The following TTN variants were observed in gnomAD, a reference collection of about 807,000 sequenced individuals.
TTN encodes titin, also known as connectin.
Under a neutral mutation model 3,223.0 loss-of-function variants are expected in TTN, and 1,525 were observed. That is an observed-to-expected ratio of 0.47 (90% CI 0.45 to 0.49). The LOEUF (loss-of-function observed/expected upper bound fraction) is 0.49, where lower values mean the gene tolerates loss of function less well. Among genes scored for constraint, TTN ranks in the 20% least tolerant of loss-of-function variants. The pLI is 0.00. For missense variants in TTN, 40,786 were observed against 43,424.0 expected (o/e 0.94, Z 5.40); for synonymous variants, 14,094 against 15,161.0 (o/e 0.93, Z 5.17).
chr2:178,750,357 T>C, intron 47 of TTN: 1 of 1,613,252 alleles, frequency 6.2e-7, no homozygotes, highest in Admixed American at 1.7e-5. Context: ...AGCACACAAG[T>C]AATAGAACCT....
rs727503691 is a variant in TTN at position 178,774,420 on chromosome 2, A to G, written c.6844T>C (p.Tyr2282His). The G allele has an allele frequency of 2.5e-6, 4 of 1,613,514 alleles. No homozygotes were observed. In the African/African-American group the frequency reaches 4.0e-5, roughly 16 times the overall value. Residue 2282 changes from tyrosine to histidine, a missense_variant, in exon 30 of 363, where the codon TAT becomes CAT. By Grantham distance (83) the Tyr-to-His change is moderately conservative. Transcript: ENST00000589042. ...ELQDIEVPES[Y>H]SGELECIVSP... is the part of the protein sequence containing the mutation. The stretch of plus-strand genomic sequence containing the variant: ...ACAATGCACTCTAATTCTCCTGAAT[A>G]TGATTCTGGAACTTCTATGTCCTGA...
At chr2:178,586,260 A>C (rs1488591596) in intron 308 of TTN, among the ~76,000 whole-genome samples, 1 of 152,114 alleles carries the variant, frequency 6.6e-6, no homozygotes, top group African/African-American at 2.4e-5. Flanking sequence ...AATAGGGTAG[A>C]AAACATAAGA....
chr2:178,632,722 C>G lies in TTN; in HGVS notation c.43284G>C (p.Glu14428Asp), dbSNP rs1261167534. 23 of 1,613,250 alleles carry G rather than the reference C, an allele frequency of 1.4e-5. No individual in the cohort carries two copies. The highest frequency in any genetic ancestry group is 1.9e-5 in the Non-Finnish European group (22 of 1,179,566). Residue 14428 changes from glutamate to aspartate, a missense_variant, in exon 235 of 363, where the codon GAG becomes GAC. Transcript: ENST00000589042. ...TTTTGGGCTCCCTGGATACTTCACACTCAAACTTAGCCTCATCTTTCTCGA... is the reference window on the plus strand; with the variant it reads ...TTTTGGGCTCCCTGGATACTTCACAGTCAAACTTAGCCTCATCTTTCTCGA... Reference protein sequence around the residue: ...KVFEKDEAKFECEVSREPKTF... With the variant: ...KVFEKDEAKFDCEVSREPKTF...
chr2:178,717,576 G>C lies in TTN; in HGVS notation c.25298C>G (p.Ser8433Cys). Residue 8433 changes from serine (S) to cysteine (C), a missense_variant, in exon 87 of 363, where the codon TCT becomes TGT. Physicochemically the swap from Ser to Cys is moderately radical, Grantham distance 112 (BLOSUM62 -1). Transcript: ENST00000589042. ...AGCAGTCCCAAGAGGATTAGAAGCAGAGCAATTATACTGCCCTATGTGGCT... is the reference window on the plus strand; with the variant it reads ...AGCAGTCCCAAGAGGATTAGAAGCACAGCAATTATACTGCCCTATGTGGCT... ...DQSHIGQYNC[S>C]ASNPLGTASS... The C allele has an allele frequency of 6.2e-7, 1 of 1,613,096 alleles. No individual in the cohort carries two copies. Among genetic ancestry groups the C allele is most frequent in the Non-Finnish European group, 8.5e-7 (1 of 1,179,462 alleles).
rs1291711491 is a variant in TTN, at chr2:178,615,765, T to C, written c.48336A>G (p.Leu16112=). Residue 16112 remains leucine, a synonymous_variant, in exon 258 of 363, where the codon CTA becomes CTG. Transcript: ENST00000589042. ...GAACAAGATCAGGAACTGTGAATTC[T>C]AGATCAGTCACAAAGTCCATAACCT... The part of the protein sequence containing the change: ...WTKVMDFVTD[L]EFTVPDLVQG... 6.2e-7 allele frequency: 1 copy of C among 1,611,872 alleles called. No homozygotes were observed.
rs794729627 is a variant in TTN, at chr2:178,722,685, G to A, written c.22214C>T (p.Ser7405Phe). 3 of 1,612,482 alleles carry A rather than the reference G, an allele frequency of 1.9e-6. No homozygotes were observed. Among genetic ancestry groups the A allele is most frequent in the Middle Eastern group, 1.7e-4 (1 of 6,050 alleles). The change falls in exon 76 of 363, where the codon TCT (serine) becomes TTT (phenylalanine). Residue 7405 changes from serine (S) to phenylalanine (F), a missense_variant. Ser to Phe is a radical substitution (Grantham distance 155). Coordinates refer to ENST00000589042, the MANE Select transcript of TTN (RefSeq NM_001267550.2). ...CKAENSIGTA[S>F]SKTVFRIQER... ...TTGAATTCTGAACACAGTCTTAGAA[G>A]AAGCAGTTCCTATACTATTTTCTGC...
At chr2:178,695,038 T>A (rs987852694) in intron 115 of TTN, 132 bp from the exon 116 acceptor site, 1 of 694,894 alleles carries the variant, frequency 1.4e-6, no homozygotes, top group African/African-American at 1.8e-5. Context: ...ATGTATCATT[T>A]TTTAAAGAGA....
In TTN at chr2:178,590,567, T is replaced by G; in HGVS notation, c.61158A>C (p.Glu20386Asp). The change falls in exon 304 of 363, where the codon GAA becomes GAC. Residue 20386 changes from glutamate to aspartate, a missense_variant. By Grantham distance (45) the Glu-to-Asp change is conservative. Coordinates refer to ENST00000589042, the MANE Select transcript of TTN (RefSeq NM_001267550.2). ...GCTTTGTCCACACCAAATCAGCTGT[T>G]TCTCTGCTCTTGTCTTTCAGTTTAG... Reference protein sequence around the residue: ...INPKLKDKSRETADLVWTKPL... With the variant: ...INPKLKDKSRDTADLVWTKPL... 1 of 1,612,656 alleles carries G rather than the reference T, an allele frequency of 6.2e-7. No individual in the cohort carries two copies. Among genetic ancestry groups the G allele is most frequent in the African/African-American group, 1.3e-5 (1 of 74,980 alleles).
In TTN at chr2:178,564,178, T is replaced by TGA; in HGVS notation, c.81953_81954insTC (p.Glu27318AspfsTer33). 1 of 1,613,728 alleles carries TGA rather than the reference T, an allele frequency of 6.2e-7. No individual in the cohort carries two copies. Among genetic ancestry groups the TGA allele is most frequent in the Non-Finnish European group, 8.5e-7 (1 of 1,179,746 alleles). Reference sequence around the variant, plus strand: ...ATTTAATTTCCATTCTAGCAGCTGTTTCTTCAAGTTCTTTTCCATCTTTTG... The same window carrying TGA: ...ATTTAATTTCCATTCTAGCAGCTGTTGATCTTCAAGTTCTTTTCCATCTTTTG... On this transcript the variant is annotated frameshift_variant, in exon 326 of 363. Transcript: ENST00000589042. LOFTEE classifies it high-confidence loss of function.
chr2:178,593,922 A>G, intron 297 of TTN, 39 bp downstream of exon 297: 1 of 1,607,266 alleles, frequency 6.2e-7, no homozygotes, highest in Non-Finnish European at 8.5e-7. Context: ...TGCTTTTGAA[A>G]GAACAGAAGA....
chr2:178,650,015 A>C (rs2062680939), intron 210 of TTN, 121 bp from the exon 211 acceptor site: 3 of 1,323,126 alleles, frequency 2.3e-6, no homozygotes, highest in Admixed American at 2.4e-5. Context: ...TGTGGGTCCA[A>C]AGTTTTATGT....
rs563866126 is a variant in TTN, at chr2:178,710,865, C to T, written c.28232G>A (p.Gly9411Glu). 1.1e-5 allele frequency: 17 copies of T among 1,613,902 alleles called. No individual in the cohort carries two copies. In the African/African-American group the frequency reaches 1.9e-4, roughly 18 times the overall value. ...GTGGCACTCAAAGTCAGCACTTTCT[C>T]CCACCACAGCATCCACAGGGGCAAG... ...IRLAPVDAVV[G>E]ESADFECHVT... The change falls in exon 98 of 363, where the codon GGA becomes GAA. Residue 9411 changes from glycine (G) to glutamate (E), a missense_variant. Physicochemically the swap from Gly to Glu is moderately conservative, Grantham distance 98. Coordinates refer to ENST00000589042, the MANE Select transcript of TTN (RefSeq NM_001267550.2).
Position 178,534,573 on chromosome 2 carries a change from T to C in TTN, c.102042A>G (p.Pro34014=). The C allele has an allele frequency of 6.2e-7, 1 of 1,613,932 alleles. No homozygotes were observed. Among genetic ancestry groups the C allele is most frequent in the Non-Finnish European group, 8.5e-7 (1 of 1,179,812 alleles). The change falls in exon 358 of 363, where the codon CCA becomes CCG. Residue 34014 remains proline, a synonymous_variant. Transcript: ENST00000589042. ...TCTGTTGGTTAGTTTCAGCCAGGAA[T>C]GGGTTGATACCACTCAATAGCACAT... ...LVYVLLSGIN[P]FLAETNQQII... is the part of the protein sequence containing the mutation.
At position 178,557,688 on chromosome 2, in the gene TTN, A is replaced by G. The variant is rs1559257979; in HGVS notation, c.87666T>C (p.Asp29222=). The G allele has an allele frequency of 1.2e-6, 2 of 1,613,988 alleles. No individual in the cohort carries two copies. The highest frequency in any genetic ancestry group is 4.5e-5 in the East Asian group (2 of 44,880). ...CAGTCACACAAGCTGAATCTATATG[A>G]TCACTGATGCCAAAGCGGTTTTCTG... ...IKAENRFGIS[D]HIDSACVTVK... is the part of the protein sequence containing the mutation. Residue 29222 remains aspartate (D), a synonymous_variant, in exon 328 of 363, where the codon GAT becomes GAC. Coordinates refer to ENST00000589042, the MANE Select transcript of TTN (RefSeq NM_001267550.2).
Position 178,713,257 on chromosome 2 carries a change from C to T in TTN, c.26877G>A (p.Trp8959Ter). ...VYGSPPISVS[W>*]FHEGNEISSG... Reference sequence around the variant, plus strand: ...TACTGATCTCATTTCCTTCATGGAACCAGGAGACAGAGATTGGAGGTGACC... The same window carrying T: ...TACTGATCTCATTTCCTTCATGGAATCAGGAGACAGAGATTGGAGGTGACC... Residue 8959 changes from tryptophan to a stop codon, truncating the protein, a stop_gained, in exon 93 of 363, where the codon TGG becomes TGA. Coordinates refer to ENST00000589042, the MANE Select transcript of TTN (RefSeq NM_001267550.2). LOFTEE classifies it high-confidence loss of function. 6.2e-7 allele frequency: 1 copy of T among 1,612,510 alleles called. No individual in the cohort carries two copies. The highest frequency in any genetic ancestry group is 8.5e-7 in the Non-Finnish European group (1 of 1,179,140).
At position 178,586,729 on chromosome 2, in the gene TTN, A is replaced by C; in HGVS notation, c.64172T>G (p.Leu21391Arg). 6.2e-7 allele frequency: 1 copy of C among 1,613,112 alleles called. No homozygotes were observed. The highest frequency in any genetic ancestry group is 1.1e-5 in the South Asian group (1 of 91,054). The change falls in exon 308 of 363, where the codon CTA becomes CGA. Residue 21391 changes from leucine to arginine, a missense_variant. Transcript: ENST00000589042. ...NSATLAWLPP[L>R]RDGGAKIDGY... ...ATCGATTTTAGCACCTCCATCACGT[A>C]GGGGAGGTAACCAGGCTAAGGTGGC...
At chr2:178,805,387 T>A (rs1247059307) in intron 1 of TTN, among the ~76,000 whole-genome samples, 1 of 150,970 alleles carries the variant, frequency 6.6e-6, no homozygotes, top group Non-Finnish European at 1.5e-5. Context: ...AACCTCTGCA[T>A]CAGCTTAGTA....
Position 178,582,519 on chromosome 2 carries a change from C to G in TTN, c.65937G>C (p.Pro21979=). ...YSDRAMLSWE[P]PLEDGGSEIT... is the part of the protein sequence containing the mutation. ...TTTCTGAGCCTCCATCTTCAAGAGG[C>G]GGTTCCCAAGAAAGCATAGCACGAT... is the stretch of plus-strand genomic sequence containing the variant. The change falls in exon 314 of 363, where the codon CCG becomes CCC. Residue 21979 remains proline (P), a synonymous_variant. Transcript: ENST00000589042. 6.2e-7 allele frequency: 1 copy of G among 1,612,860 alleles called. No individual in the cohort carries two copies. Among genetic ancestry groups the G allele is most frequent in the Non-Finnish European group, 8.5e-7 (1 of 1,179,268 alleles).
In TTN at chr2:178,677,630, G is replaced by T. The variant is rs1434614338; in HGVS notation, c.34282C>A (p.Pro11428Thr). ...AGAAGAGCTGCTATACCTGGTGCAG[G>T]TACTGGCACCTTAGGTTTAACTTCT... Reference protein sequence around the residue: ...LPEVKPKVPVPAPVPEVPKKP... With the variant: ...LPEVKPKVPVTAPVPEVPKKP... Residue 11428 changes from proline to threonine, a missense_variant, in exon 146 of 363, where the codon CCT becomes ACT. Coordinates refer to ENST00000589042, the MANE Select transcript of TTN (RefSeq NM_001267550.2). 1 of 1,610,772 alleles carries T rather than the reference G, an allele frequency of 6.2e-7. No homozygotes were observed.
Sources: gnomAD v4.1 joint callset for allele counts (sites outside exome capture counted in the v4.1 genomes callset) on GRCh38, gnomAD v4.1.1 for gene constraint, MANE v1.5 for transcripts, NCBI Gene and HGNC (gene_info 2026-07-23, HGNC 2026-07-21) for gene names.